The following ERC1 variants were observed in gnomAD, a reference collection of about 807,000 sequenced individuals.
The protein encoded by ERC1 is ELKS/RAB6-interacting/CAST family member 1.
In ERC1, 56 loss-of-function variants were observed where a neutral mutation model predicts 132.0. The ratio of observed to expected loss-of-function variants is 0.42; its 90% CI spans 0.34 to 0.53. ERC1 has a LOEUF of 0.53. Among genes scored for constraint, ERC1 ranks in the 20% least tolerant of loss-of-function variants. The pLI is 0.03. For missense variants in ERC1, 1,202 were observed against 1,349.9 expected, an observed-to-expected ratio of 0.89 and a Z score of 1.72; for synonymous variants, 478 against 476.1, an observed-to-expected ratio of 1.00 and a Z score of -0.05.
chr12:1,376,834 A>G (rs1462444815), intron 16 of ERC1, among the ~76,000 whole-genome samples: 1 of 152,176 alleles, frequency 6.6e-6, no homozygotes, highest in Non-Finnish European at 1.5e-5. Flanking sequence ...TCCCCTCTCC[A>G]TCCGTAAAGA....
chr12:1,359,611 G>A (rs2085886660), intron 15 of ERC1, among the ~76,000 whole-genome samples: 1 of 152,066 alleles, frequency 6.6e-6, no homozygotes, highest in South Asian at 2.1e-4. Flanking sequence ...TACAATAATG[G>A]CATTAATCCA....
intron 2 of ERC1, among the ~76,000 whole-genome samples, chr12:1,038,393 G>C (rs570344943): frequency 6.6e-6 from 1 of 150,492 alleles, no homozygotes; most frequent in South Asian, 2.1e-4. Context: ...ACGGAGTCTC[G>C]CTCTGTTGCC....
intron 17 of ERC1, 136 bp downstream of exon 17, chr12:1,408,383 C>T (rs2091640809): frequency 1.8e-6 from 1 of 562,710 alleles, no homozygotes; most frequent in Non-Finnish European, 3.1e-6. Flanking sequence ...TCTGAAAACT[C>T]TACTCTTTTC....
In ERC1 at chr12:1,429,301, C is replaced by A. The variant is rs533186783; in HGVS notation, c.3025-15261C>A. Among the ~76,000 whole-genome samples, 6 of 152,300 alleles carry A rather than the reference C, an allele frequency of 3.9e-5. No individual in the cohort carries two copies. The South Asian group carries it at 6.2e-4, about 16-fold the overall frequency. The stretch of plus-strand genomic sequence containing the variant: ...TCTAGAATCAAATGAAAACATCTTA[C>A]ATTTGGTCACATAATCATTTTGTTG... On this transcript the variant is annotated intron_variant, in intron 17 of 18. Coordinates refer to ENST00000360905, the MANE Select transcript of ERC1 (RefSeq NM_178040.4).
chr12:1,234,315 G>C (rs2075270906), intron 12 of ERC1, among the ~76,000 whole-genome samples: 1 of 152,194 alleles, frequency 6.6e-6, no homozygotes, highest in Non-Finnish European at 1.5e-5. Context: ...ATCCCAGTTA[G>C]CCACACAACC....
At chr12:1,405,134 C>T (rs192826319) in intron 16 of ERC1, among the ~76,000 whole-genome samples, 134 of 116,494 alleles carry the variant, frequency 1.2e-3, no homozygotes, top group Middle Eastern at 4.6e-3. Flanking sequence ...AACGAGACTC[C>T]GGCTCAAAAA....
At chr12:1,161,596 G>T (rs1268862159) in intron 8 of ERC1, among the ~76,000 whole-genome samples, 1 of 152,112 alleles carries the variant, frequency 6.6e-6, no homozygotes, top group Non-Finnish European at 1.5e-5. Context: ...TTAGGAAGCA[G>T]TTGAGTTGAG....
chr12:1,284,416 A>G (rs954101270), intron 14 of ERC1, among the ~76,000 whole-genome samples: 5 of 152,118 alleles, frequency 3.3e-5, no homozygotes, highest in South Asian at 2.1e-4. Flanking sequence ...GCAAATATCT[A>G]TTTGATATAC....
chr12:1,038,248 G>T (rs1012446751), intron 2 of ERC1, among the ~76,000 whole-genome samples: 1 of 151,926 alleles, frequency 6.6e-6, no homozygotes, highest in East Asian at 1.9e-4. Context: ...AAACATTTAG[G>T]GAGTTTACCC....
chr12:1,030,854 T>C (rs1241467941), intron 2 of ERC1, among the ~76,000 whole-genome samples: 1 of 152,242 alleles, frequency 6.6e-6, no homozygotes, highest in Non-Finnish European at 1.5e-5. Context: ...TAACATGCTG[T>C]ACAGGTTTGT....
intron 9 of ERC1, among the ~76,000 whole-genome samples, chr12:1,181,473 G>A (rs1418863955): frequency 1.3e-5 from 2 of 152,074 alleles, no homozygotes; most frequent in African/African-American, 4.8e-5. Context: ...TCCTTGTTAT[G>A]GCAAGATGAA....
At chr12:1,195,381 C>G (rs1956124472) in intron 12 of ERC1, among the ~76,000 whole-genome samples, 1 of 152,178 alleles carries the variant, frequency 6.6e-6, no homozygotes, top group Admixed American at 6.5e-5. Flanking sequence ...TTTCTACTTT[C>G]CCATTCTAAC....
At chr12:1,379,350 C>G (rs2088336393) in intron 16 of ERC1, among the ~76,000 whole-genome samples, 1 of 152,192 alleles carries the variant, frequency 6.6e-6, no homozygotes. Context: ...ATCCCAGTAA[C>G]AAGTTCCTTG....
Position 1,282,493 on chromosome 12 carries a change from C to T in ERC1, c.2620-7359C>T, listed in dbSNP as rs914316222. On this transcript the variant is annotated intron_variant, in intron 14 of 18. Transcript: ENST00000360905. ...CCATAGTTATAAAATACTGTACTGC[C>T]GGTATATATCTTGTCAAAGAATTAC... Among the ~76,000 whole-genome samples, 4 of 152,112 alleles carry T rather than the reference C, an allele frequency of 2.6e-5. No individual in the cohort carries two copies. The East Asian group carries it at 5.8e-4, about 22-fold the overall frequency.
intron 13 of ERC1, among the ~76,000 whole-genome samples, chr12:1,247,415 G>T (rs897209531): frequency 6.6e-6 from 1 of 152,144 alleles, no homozygotes; most frequent in African/African-American, 2.4e-5. Flanking sequence ...GCCTGTATAA[G>T]GAGCAGATGG....
intron 7 of ERC1, among the ~76,000 whole-genome samples, chr12:1,141,254 T>C (rs1403019910): frequency 1.3e-5 from 2 of 152,238 alleles, no homozygotes; most frequent in Non-Finnish European, 2.9e-5. Context: ...GCCAGTGTTA[T>C]GCTTGGTGAT....
intron 12 of ERC1, among the ~76,000 whole-genome samples, chr12:1,216,621 G>GCGGGGAGGAGGGA (rs1450639874): frequency 5.8e-5 from 8 of 137,356 alleles, no homozygotes; most frequent in African/African-American, 1.3e-4. Context: ...GGGATGGGGG[G>GCGGGGAGGAGGGA]TGGGGGGCGG....
chr12:1,047,468 T>C (rs1164614418), intron 2 of ERC1, among the ~76,000 whole-genome samples: 1 of 152,138 alleles, frequency 6.6e-6, no homozygotes. Context: ...TTTGGCTGAA[T>C]CTATTCAAGG....
At chr12:1,305,614 T>C (rs550836332) in intron 15 of ERC1, among the ~76,000 whole-genome samples, 1 of 152,294 alleles carries the variant, frequency 6.6e-6, no homozygotes, top group East Asian at 1.9e-4. Flanking sequence ...CTAATTATTA[T>C]TTTCTTTTTA....
Sources: gnomAD v4.1 joint callset for allele counts (sites outside exome capture counted in the v4.1 genomes callset) on GRCh38, gnomAD v4.1.1 for gene constraint, MANE v1.5 for transcripts, NCBI Gene and HGNC (gene_info 2026-07-23, HGNC 2026-07-21) for gene names.